PLXNA4: variants seen among roughly 807,000 people sequenced by gnomAD.
PLXNA4 encodes the protein plexin-A4.
A neutral mutation model predicts 191.8 loss-of-function variants in PLXNA4; 44 were observed. That is an observed-to-expected ratio of 0.23 (90% CI 0.18 to 0.29). The LOEUF (loss-of-function observed/expected upper bound fraction) is 0.29. Ranked by LOEUF, PLXNA4 falls within the 10% of genes least tolerant of loss-of-function variation. The pLI is 1.00. For missense variants in PLXNA4, 1,800 were observed against 2,488.8 expected, an observed-to-expected ratio of 0.72 and a Z score of 5.89; for synonymous variants, 1,082 against 1,009.5, an observed-to-expected ratio of 1.07 and a Z score of -1.36.
intron 4 of PLXNA4, among the ~76,000 whole-genome samples, chr7:132,297,187 C>T (rs1233016016): frequency 6.6e-6 from 1 of 152,064 alleles, no homozygotes; most frequent in Non-Finnish European, 1.5e-5. Context: ...GGAGATCTGC[C>T]CCTCATGGCC....
chr7:132,456,089 C>G (rs116989802), intron 3 of PLXNA4, among the ~76,000 whole-genome samples: 1 of 151,412 alleles, frequency 6.6e-6, no homozygotes, highest in East Asian at 1.9e-4. Context: ...GTTTGGGGGT[C>G]CCTCTTCGCA....
chr7:132,553,182 T>G (rs1307085398), intron 1 of PLXNA4, among the ~76,000 whole-genome samples: 1 of 152,292 alleles, frequency 6.6e-6, no homozygotes. Context: ...CTGAGATATG[T>G]TTCTGCCAGC....
chr7:132,313,625 G>A (rs1309448990), intron 3 of PLXNA4, among the ~76,000 whole-genome samples: 1 of 152,158 alleles, frequency 6.6e-6, no homozygotes, highest in East Asian at 1.9e-4. Flanking sequence ...TCTGCTGAAT[G>A]TCACTGGTGG....
At chr7:132,172,661 C>T (rs1322382110) in intron 21 of PLXNA4, among the ~76,000 whole-genome samples, 1 of 152,096 alleles carries the variant, frequency 6.6e-6, no homozygotes, top group African/African-American at 2.4e-5. Flanking sequence ...CTCACATAGC[C>T]CCCGGCTAAT....
chr7:132,453,990 G>A (rs956610106), intron 3 of PLXNA4, among the ~76,000 whole-genome samples: 4 of 152,330 alleles, frequency 2.6e-5, no homozygotes, highest in Non-Finnish European at 5.9e-5. Flanking sequence ...AGCAGAATGA[G>A]GTTTGCACCA....
chr7:132,613,880 T>C (rs1322728275), intron 2 of PLXNA4, among the ~76,000 whole-genome samples: 1 of 152,214 alleles, frequency 6.6e-6, no homozygotes, highest in Non-Finnish European at 1.5e-5. Flanking sequence ...TGTTCCACAG[T>C]TCTGAAGGTG....
At position 132,489,457 on chromosome 7, in the gene PLXNA4, A is replaced by G; in HGVS notation, c.1206T>C (p.Asp402=). The change falls in exon 3 of 32, where the codon GAT becomes GAC. Residue 402 remains aspartate (D), a synonymous_variant. Coordinates refer to ENST00000321063, the MANE Select transcript of PLXNA4 (RefSeq NM_020911.2). ...CATTCATGTCCAGGCCACAGAAGTTATCGTCAATGGTTAAGAGCTGCAAAT... is the reference window on the plus strand; with the variant it reads ...CATTCATGTCCAGGCCACAGAAGTTGTCGTCAATGGTTAAGAGCTGCAAAT... ...PCSSALLTID[D]NFCGLDMNAP... 1 of 1,572,512 alleles carries G rather than the reference A, an allele frequency of 6.4e-7. No individual in the cohort carries two copies. The highest frequency in any genetic ancestry group is 8.7e-7 in the Non-Finnish European group (1 of 1,147,154).
chr7:132,369,497 G>C (rs1804337256), intron 3 of PLXNA4, among the ~76,000 whole-genome samples: 1 of 152,062 alleles, frequency 6.6e-6, no homozygotes, highest in Non-Finnish European at 1.5e-5. Flanking sequence ...GCACTGGCTT[G>C]GCTAATGGAA....
At chr7:132,437,434 A>G (rs1345218995) in intron 3 of PLXNA4, among the ~76,000 whole-genome samples, 1 of 151,522 alleles carries the variant, frequency 6.6e-6, no homozygotes, top group Non-Finnish European at 1.5e-5. Flanking sequence ...GTGCACAGAC[A>G]CACACATTCT....
At chr7:132,443,222 T>TCCA (rs1795760936) in intron 3 of PLXNA4, among the ~76,000 whole-genome samples, 2 of 152,178 alleles carry the variant, frequency 1.3e-5, no homozygotes, top group Non-Finnish European at 1.5e-5. Flanking sequence ...TTCCTTCCTT[T>TCCA]TTGTGGCCAT....
At chr7:132,414,820 G>A (rs566928569) in intron 3 of PLXNA4, among the ~76,000 whole-genome samples, 5 of 152,110 alleles carry the variant, frequency 3.3e-5, no homozygotes, top group East Asian at 1.9e-4. Flanking sequence ...GCACCCACAC[G>A]AAAACCTCCC....
upstream of PLXNA4, chr7:132,577,050 G>A (rs1585380748): frequency 6.8e-6 from 1 of 146,632 alleles, no homozygotes; most frequent in East Asian, 2.0e-4. Flanking sequence ...GCAGTGCCCT[G>A]GGGCCGGGGC....
rs766680621 is a variant in PLXNA4 at position 132,507,503 on chromosome 7, C to T, written c.1188+3G>A. 1.2e-6 allele frequency: 2 copies of T among 1,606,190 alleles called. No individual in the cohort carries two copies. The highest frequency in any genetic ancestry group is 1.7e-6 in the Non-Finnish European group (2 of 1,176,580). ...CCCAGCGCGCAGCCCTCCCTGTACTCACCGCACTGCTGCAGGGGATGTCCT... is the reference window on the plus strand; with the variant it reads ...CCCAGCGCGCAGCCCTCCCTGTACTTACCGCACTGCTGCAGGGGATGTCCT... On this transcript the variant is annotated splice_donor_region_variant and intron_variant, in intron 2 of 31. Transcript: ENST00000321063.
intron 4 of PLXNA4, among the ~76,000 whole-genome samples, chr7:132,273,342 G>A (rs995184): frequency 2.0e-4 from 28 of 143,148 alleles, no homozygotes; most frequent in African/African-American, 4.8e-4. Flanking sequence ...ACACACACAC[G>A]CACACACACA....
upstream of PLXNA4, among the ~76,000 whole-genome samples, chr7:132,577,935 G>A (rs540445477): frequency 6.6e-6 from 1 of 152,246 alleles, no homozygotes; most frequent in East Asian, 1.9e-4. Context: ...GAACATGAGT[G>A]GCCAGTGCCC....
At chr7:132,556,032 T>G (rs1585328069) in intron 1 of PLXNA4, among the ~76,000 whole-genome samples, 1 of 152,232 alleles carries the variant, frequency 6.6e-6, no homozygotes, top group Non-Finnish European at 1.5e-5. Flanking sequence ...GGGGTCCTAC[T>G]AGGGTCTATT....
In PLXNA4 at chr7:132,340,562, G is replaced by A. The variant is rs527830174; in HGVS notation, c.1372-42340C>T. 1.2e-3 allele frequency among the ~76,000 whole-genome samples: 190 copies of A among 152,342 alleles called. 1 individual carries two copies. The highest frequency in any genetic ancestry group is 4.4e-3 in the African/African-American group (183 of 41,580). On this transcript the variant is annotated intron_variant, in intron 3 of 31. Transcript: ENST00000321063. The stretch of plus-strand genomic sequence containing the variant: ...ACCAAGGACAGCTTTATTCAATGGA[G>A]AGAAGCAGAAAAGAGGGGCATAATG...
chr7:132,288,847 A>C (rs1456911392), intron 4 of PLXNA4, among the ~76,000 whole-genome samples: 11 of 152,146 alleles, frequency 7.2e-5, no homozygotes, highest in Admixed American at 7.2e-4. Context: ...CTTCTATCAA[A>C]TCAATGTCTA....
At chr7:132,190,677 G>A (rs958414964) in intron 14 of PLXNA4, among the ~76,000 whole-genome samples, 1 of 152,238 alleles carries the variant, frequency 6.6e-6, no homozygotes, top group Non-Finnish European at 1.5e-5. Flanking sequence ...GTGGGGGCCT[G>A]GCTGCAAATG....
Sources: allele counts gnomAD v4.1 joint callset (sites outside exome capture counted in the v4.1 genomes callset), GRCh38; gene constraint gnomAD v4.1.1; transcripts MANE v1.5; gene names NCBI Gene and HGNC (gene_info 2026-07-23, HGNC 2026-07-21).